The following NUBPL variants were observed in gnomAD, a reference collection of about 807,000 sequenced individuals.
The protein encoded by NUBPL is NUBP iron-sulfur cluster assembly factor, mitochondrial, also known as iron-sulfur cluster transfer protein NUBPL.
A neutral mutation model predicts 45.7 loss-of-function variants in NUBPL; 31 were observed. The observed-to-expected ratio is 0.68, with a 90% CI of 0.51 to 0.92. The LOEUF is 0.92. Among genes scored for constraint, NUBPL ranks in the 40% least tolerant of loss-of-function variants. The pLI, the probability that NUBPL is intolerant of heterozygous loss-of-function variation, is 0.00. For synonymous variants in NUBPL, 144 were observed against 140.9 expected (o/e 1.02, Z -0.15); for missense variants, 401 against 398.7 (o/e 1.01, Z -0.05).
intron 6 of NUBPL, among the ~76,000 whole-genome samples, chr14:31,676,928 C>T (rs547419048): frequency 6.6e-6 from 1 of 151,736 alleles, no homozygotes; most frequent in South Asian, 2.1e-4. Context: ...AATTTCTTAT[C>T]TTTTTTATGC....
intron 6 of NUBPL, among the ~76,000 whole-genome samples, chr14:31,759,266 T>A (rs1267437145): frequency 6.6e-6 from 1 of 152,114 alleles, no homozygotes; most frequent in African/African-American, 2.4e-5. Flanking sequence ...TAGAAAACAC[T>A]ATGAGATTAT....
chr14:31,660,291 C>T (rs968727156), intron 4 of NUBPL, among the ~76,000 whole-genome samples: 1 of 152,126 alleles, frequency 6.6e-6, no homozygotes, highest in Non-Finnish European at 1.5e-5. Flanking sequence ...GTAAACCTCT[C>T]GTGGTACTAG....
At chr14:31,797,410 G>T (rs2039484766) in intron 7 of NUBPL, among the ~76,000 whole-genome samples, 1 of 19,870 alleles carries the variant, frequency 5.0e-5, no homozygotes, top group Non-Finnish European at 8.4e-5. Context: ...TTATGAATCT[G>T]GGTGCTCCTG....
intron 6 of NUBPL, among the ~76,000 whole-genome samples, chr14:31,701,191 G>C (rs1486706300): frequency 1.3e-5 from 2 of 152,000 alleles, no homozygotes; most frequent in Non-Finnish European, 2.9e-5. Flanking sequence ...AAATGCACCA[G>C]TCAGCACTCT....
At chr14:31,705,583 C>T (rs2037431681) in intron 6 of NUBPL, among the ~76,000 whole-genome samples, 1 of 151,820 alleles carries the variant, frequency 6.6e-6, no homozygotes, top group Non-Finnish European at 1.5e-5. Context: ...TTCTCCAAGT[C>T]CCCTACCCAA....
intron 10 of NUBPL, among the ~76,000 whole-genome samples, chr14:31,858,347 C>T (rs563503931): frequency 6.6e-6 from 1 of 152,264 alleles, no homozygotes; most frequent in South Asian, 2.1e-4. Flanking sequence ...TATCAATTAT[C>T]AATGTAGAAA....
At chr14:31,805,957 A>T (rs1374866042) in intron 7 of NUBPL, among the ~76,000 whole-genome samples, 3 of 152,348 alleles carry the variant, frequency 2.0e-5, no homozygotes, top group African/African-American at 7.2e-5. Flanking sequence ...TGCCAGACAG[A>T]TAAAATTCCT....
chr14:31,691,182 C>T (rs1595499997), intron 6 of NUBPL, among the ~76,000 whole-genome samples: 3 of 152,318 alleles, frequency 2.0e-5, no homozygotes. Context: ...AAGACCATTC[C>T]CACCTCTTCC....
chr14:31,575,640 G>A (rs2033697488), intron 3 of NUBPL, among the ~76,000 whole-genome samples: 1 of 152,240 alleles, frequency 6.6e-6, no homozygotes, highest in Non-Finnish European at 1.5e-5. Flanking sequence ...TTTAGTTCAA[G>A]TTTATAAGGT....
Position 31,564,136 on chromosome 14 carries a change from G to A in NUBPL, c.257-878G>A, listed in dbSNP as rs542844168. Among the ~76,000 whole-genome samples the A allele has an allele frequency of 7.9e-5, 12 of 152,174 alleles. No homozygotes were observed. The South Asian group carries it at 1.2e-3, about 16-fold the overall frequency. ...AGGAAATGTGATTCACATTATGAGC[G>A]CCTATTTGTTGATCAGTCTTTGAAT... On this transcript the variant is annotated intron_variant, in intron 2 of 10. Transcript: ENST00000281081.
intron 2 of NUBPL, among the ~76,000 whole-genome samples, chr14:31,564,137 C>A (rs994850919): frequency 1.3e-5 from 2 of 152,080 alleles, no homozygotes; most frequent in African/African-American, 4.8e-5. Context: ...ATTATGAGCG[C>A]CTATTTGTTG....
chr14:31,638,420 A>T, intron 4 of NUBPL, among the ~76,000 whole-genome samples: 2 of 149,854 alleles, frequency 1.3e-5, no homozygotes, highest in East Asian at 2.0e-4. Context: ...ATTGGCCCCC[A>T]CTCTCTTCTG....
rs142861830 is a variant in NUBPL, at chr14:31,818,242, A to G, written c.608-8387A>G. On this transcript the variant is annotated intron_variant, in intron 7 of 10. Coordinates refer to ENST00000281081, the MANE Select transcript of NUBPL (RefSeq NM_025152.3). Reference sequence around the variant, plus strand: ...TAGCACCCCACTGTCAATATTAGACAGAACAACGTGACAGAAAATTAACAA... The same window carrying G: ...TAGCACCCCACTGTCAATATTAGACGGAACAACGTGACAGAAAATTAACAA... Among the ~76,000 whole-genome samples the G allele has an allele frequency of 4.5e-3, 679 of 152,336 alleles. 4 individuals carry two copies. Among genetic ancestry groups the G allele is most frequent in the African/African-American group, 0.016 (650 of 41,578 alleles).
At chr14:31,788,914 G>C (rs1363101930) in intron 7 of NUBPL, among the ~76,000 whole-genome samples, 2 of 152,184 alleles carry the variant, frequency 1.3e-5, no homozygotes, top group African/African-American at 4.8e-5. Flanking sequence ...TTCTAGAAAA[G>C]CAGTAGCATT....
At chr14:31,673,595 A>G in intron 6 of NUBPL, 21 bp downstream of exon 6, 1 of 1,576,640 alleles carries the variant, frequency 6.3e-7, no homozygotes. Context: ...TGCTTTAAAT[A>G]TCATTTTATC....
intron 3 of NUBPL, among the ~76,000 whole-genome samples, chr14:31,583,618 G>A (rs1354445847): frequency 6.6e-6 from 1 of 152,036 alleles, no homozygotes; most frequent in Admixed American, 6.5e-5. Flanking sequence ...TATCTCTAAG[G>A]GCAATAGGAA....
intron 6 of NUBPL, among the ~76,000 whole-genome samples, chr14:31,716,482 A>G (rs952813989): frequency 1.4e-4 from 21 of 152,230 alleles, no homozygotes; most frequent in African/African-American, 5.1e-4. Flanking sequence ...ACTTTACAAC[A>G]GCTATGATGT....
intron 4 of NUBPL, among the ~76,000 whole-genome samples, chr14:31,608,528 T>C (rs1595362479): frequency 6.6e-6 from 1 of 151,936 alleles, no homozygotes; most frequent in South Asian, 2.1e-4. Context: ...CACTCCAGCC[T>C]GGGTGACAGA....
chr14:31,609,484 T>G (rs1393618836), intron 4 of NUBPL, among the ~76,000 whole-genome samples: 1 of 152,164 alleles, frequency 6.6e-6, no homozygotes. Context: ...ACCTGGAGAC[T>G]TCAATACCCC....
Sources: gnomAD v4.1 joint callset for allele counts (sites outside exome capture counted in the v4.1 genomes callset) on GRCh38, gnomAD v4.1.1 for gene constraint, MANE v1.5 for transcripts, NCBI Gene and HGNC (gene_info 2026-07-23, HGNC 2026-07-21) for gene names.